UNC79: variants seen among roughly 807,000 people sequenced by gnomAD.
The protein encoded by UNC79 is protein unc-79 homolog.
UNC79 carries 37 observed loss-of-function variants against 283.1 expected under a neutral mutation model. The ratio of observed to expected loss-of-function variants is 0.13; its 90% CI spans 0.10 to 0.17. UNC79 has a LOEUF of 0.17. Ranked by LOEUF, UNC79 falls within the 10% of genes least tolerant of loss-of-function variation. The probability of loss-of-function intolerance (pLI) is 1.00; values close to 1 mark genes in which losing one functional copy is unlikely to be tolerated. For missense variants in UNC79, 2,272 were observed against 3,211.1 expected (o/e 0.71, Z 7.07); for synonymous variants, 1,107 against 1,200.2 (o/e 0.92, Z 1.61).
intron 31 of UNC79, among the ~76,000 whole-genome samples, chr14:93,633,489 C>T (rs1408737893): frequency 6.6e-6 from 1 of 152,180 alleles, no homozygotes; most frequent in Non-Finnish European, 1.5e-5. Flanking sequence ...ATGCGGTCAT[C>T]CCGGTCTCTA....
intron 29 of UNC79, among the ~76,000 whole-genome samples, chr14:93,620,417 C>A (rs1157107997): frequency 6.6e-6 from 1 of 152,058 alleles, no homozygotes. Flanking sequence ...TGTGTCTATG[C>A]CAGTTACCAA....
chr14:93,472,990 C>T (rs889630531), intron 2 of UNC79, among the ~76,000 whole-genome samples: 2 of 152,042 alleles, frequency 1.3e-5, no homozygotes, highest in African/African-American at 4.8e-5. Flanking sequence ...TAAGCAGTAA[C>T]TTCTTCTATT....
chr14:93,613,542 G>A (rs1220163210), intron 27 of UNC79, among the ~76,000 whole-genome samples: 8 of 151,700 alleles, frequency 5.3e-5, no homozygotes, highest in Non-Finnish European at 1.0e-4. Flanking sequence ...AGCCTCCCAA[G>A]TAGCTGGGAC....
chr14:93,687,705 T>C (rs994900046), intron 43 of UNC79, among the ~76,000 whole-genome samples: 2 of 152,224 alleles, frequency 1.3e-5, no homozygotes, highest in Non-Finnish European at 2.9e-5. Flanking sequence ...CATTCATTTC[T>C]TAATGAGCTC....
At chr14:93,427,321 T>C (rs543424260), upstream of UNC79, among the ~76,000 whole-genome samples, 17 of 152,282 alleles carry the variant, frequency 1.1e-4, 1 homozygote, top group South Asian at 3.5e-3. Context: ...GGGGTGTTCC[T>C]CACACATAGT....
intron 23 of UNC79, among the ~76,000 whole-genome samples, chr14:93,595,124 C>A (rs2064981484): frequency 6.7e-6 from 1 of 149,746 alleles, no homozygotes; most frequent in Non-Finnish European, 1.5e-5. Context: ...GAGTCTTGCT[C>A]TATTGCACAA....
chr14:93,680,204 C>T (rs147636432), intron 41 of UNC79, among the ~76,000 whole-genome samples: 1 of 152,266 alleles, frequency 6.6e-6, no homozygotes, highest in Non-Finnish European at 1.5e-5. Context: ...TGATTGCTAA[C>T]CATGCTGAAA....
chr14:93,582,959 A>G (rs555992239), intron 20 of UNC79, among the ~76,000 whole-genome samples: 1 of 152,248 alleles, frequency 6.6e-6, no homozygotes, highest in South Asian at 2.1e-4. Flanking sequence ...CTGGGGATCT[A>G]TATGAGACCT....
chr14:93,402,979 A>T (rs536746036), intron 1 of UNC79, among the ~76,000 whole-genome samples: 1 of 152,312 alleles, frequency 6.6e-6, no homozygotes, highest in African/African-American at 2.4e-5. Flanking sequence ...ATCAATTAAT[A>T]TGTGTAAGAT....
At chr14:93,582,599 C>T (rs1048459343) in intron 20 of UNC79, among the ~76,000 whole-genome samples, 1 of 152,164 alleles carries the variant, frequency 6.6e-6, no homozygotes, top group Non-Finnish European at 1.5e-5. Flanking sequence ...TCCCTACTTA[C>T]AATGCGAGGT....
chr14:93,531,269 A>G lies in UNC79; in HGVS notation c.1094-1281A>G, dbSNP rs1038775946. Reference sequence around the variant, plus strand: ...TTAATTATACAAAACCAGTTTTTAAACATGAGTTGTAAATTTTGTTGCTTT... The same window carrying G: ...TTAATTATACAAAACCAGTTTTTAAGCATGAGTTGTAAATTTTGTTGCTTT... On this transcript the variant is annotated intron_variant, in intron 10 of 48. Transcript: ENST00000555664. The surrounding 1 kb of genome is among the most constrained non-coding windows in gnomAD (Gnocchi z 4.2). Among the ~76,000 whole-genome samples the G allele has an allele frequency of 4.6e-5, 7 of 152,208 alleles. No homozygotes were observed. The highest frequency in any genetic ancestry group is 1.7e-4 in the African/African-American group (7 of 41,458).
chr14:93,656,463 A>G (rs1219607698), intron 38 of UNC79, among the ~76,000 whole-genome samples: 1 of 151,664 alleles, frequency 6.6e-6, no homozygotes, highest in Non-Finnish European at 1.5e-5. Flanking sequence ...AAAAAAAAAC[A>G]TAGGCTAGGC....
intron 1 of UNC79, among the ~76,000 whole-genome samples, chr14:93,352,555 C>G (rs542987387): frequency 3.9e-5 from 6 of 152,256 alleles, no homozygotes; most frequent in Admixed American, 2.6e-4. Context: ...TAATTTTACA[C>G]TCATAAAGGT....
chr14:93,706,597 C>T (rs1251098749), intron 48 of UNC79, 107 bp from the exon 52 acceptor site: 2 of 1,304,728 alleles, frequency 1.5e-6, no homozygotes, highest in Non-Finnish European at 1.1e-6. Context: ...GGCCAGACAA[C>T]CCTTGAGCCA....
intron 41 of UNC79, among the ~76,000 whole-genome samples, chr14:93,674,517 G>A (rs2073162582): frequency 6.6e-6 from 1 of 152,142 alleles, no homozygotes; most frequent in Non-Finnish European, 1.5e-5. Flanking sequence ...CTGGGATCAG[G>A]GTGTCATTCA....
intron 1 of UNC79, among the ~76,000 whole-genome samples, chr14:93,351,478 C>T (rs1259522474): frequency 6.6e-6 from 1 of 152,104 alleles, no homozygotes; most frequent in African/African-American, 2.4e-5. Context: ...ATTCATTCAA[C>T]AAATACTGAA....
chr14:93,389,581 A>G (rs2054842521), intron 1 of UNC79, among the ~76,000 whole-genome samples: 1 of 152,058 alleles, frequency 6.6e-6, no homozygotes, highest in Non-Finnish European at 1.5e-5. Context: ...GGAAGATTAT[A>G]AAAAATGGGA....
At chr14:93,670,638 TA>T (rs1198381367) in intron 40 of UNC79, among the ~76,000 whole-genome samples, 1 of 152,208 alleles carries the variant, frequency 6.6e-6, no homozygotes, top group Non-Finnish European at 1.5e-5. Context: ...TTTGGGTTTT[TA>T]TGGAGGTTTC....
chr14:93,624,113 TC>T (rs527351686), intron 30 of UNC79, among the ~76,000 whole-genome samples: 1 of 152,132 alleles, frequency 6.6e-6, no homozygotes, highest in Non-Finnish European at 1.5e-5. Flanking sequence ...CTGATTCCAG[TC>T]ACGTTTTCCC....
Sources: allele counts gnomAD v4.1 joint callset (sites outside exome capture counted in the v4.1 genomes callset), GRCh38; gene constraint gnomAD v4.1.1; non-coding constraint Gnocchi (gnomAD v3.1); transcripts MANE v1.5; gene names NCBI Gene and HGNC (gene_info 2026-07-23, HGNC 2026-07-21).